The following PLA2G7 variants were observed in gnomAD, a reference collection of about 807,000 sequenced individuals.
The protein encoded by PLA2G7 is phospholipase A2 group VII.
In PLA2G7, 63 loss-of-function variants were observed where a neutral mutation model predicts 49.6. The observed-to-expected ratio is 1.27, with a 90% CI of 1.04 to 1.57. The LOEUF (loss-of-function observed/expected upper bound fraction) is 1.57. Ranked by LOEUF, PLA2G7 falls within the 40% of genes most tolerant of loss-of-function variation. The probability of loss-of-function intolerance (pLI) is 0.00; values close to 1 mark genes in which losing one functional copy is unlikely to be tolerated. For synonymous variants in PLA2G7, 193 were observed against 169.9 expected (o/e 1.14, Z -1.06); for missense variants, 596 against 521.2 (o/e 1.14, Z -1.40).
rs1764719670 is a variant in PLA2G7, at chr6:46,704,468, T to TCA, written c.*91_*92insTG. On this transcript the variant is annotated 3_prime_UTR_variant, in exon 12 of 12. Transcript: ENST00000274793. ...CTCTCTCTCTCTCTCTCTCTCTCTC[T>TCA]CTCTCTCTCTCACACACACACACAC... The TCA allele has an allele frequency of 1.2e-5, 5 of 423,202 alleles. No homozygotes were observed. In the African/African-American group the frequency reaches 2.1e-4, roughly 18 times the overall value. 26.2% of individuals were successfully genotyped at this position (423,202 alleles called of 1,614,324 possible).
intron 2 of PLA2G7, among the ~76,000 whole-genome samples, chr6:46,719,960 T>C (rs570494933): frequency 1.2e-4 from 19 of 152,232 alleles, no homozygotes; most frequent in Non-Finnish European, 2.4e-4. Flanking sequence ...TCAGGGTCTA[T>C]TTTGAATTAC....
At chr6:46,711,016 A>C (rs553801702) in intron 7 of PLA2G7, among the ~76,000 whole-genome samples, 51 of 152,302 alleles carry the variant, frequency 3.3e-4, no homozygotes, top group African/African-American at 1.0e-3. Flanking sequence ...TGCTTCACTT[A>C]ACTTAACTGC....
chr6:46,730,940 G>C (rs974538106), intron 1 of PLA2G7, among the ~76,000 whole-genome samples: 2 of 152,144 alleles, frequency 1.3e-5, no homozygotes, highest in African/African-American at 2.4e-5. Context: ...CACCAGACTA[G>C]CCACTTCAAG....
At position 46,704,541 on chromosome 6, in the gene PLA2G7, T is replaced by A; in HGVS notation, c.*19A>T. ...TTAGACAGTTTTGAAACAAGACTTTTAAAAAACCTATTTTAATCCTAATTG... is the reference window on the plus strand; with the variant it reads ...TTAGACAGTTTTGAAACAAGACTTTAAAAAAACCTATTTTAATCCTAATTG... On this transcript the variant is annotated 3_prime_UTR_variant, in exon 12 of 12. Coordinates refer to ENST00000274793, the MANE Select transcript of PLA2G7 (RefSeq NM_005084.4). The A allele has an allele frequency of 3.3e-5, 49 of 1,476,204 alleles. No individual in the cohort carries two copies. The highest frequency in any genetic ancestry group is 4.5e-5 in the Non-Finnish European group (48 of 1,058,704). The allele number at this position is 1,476,204 out of a possible 1,614,324, so 91.4% of individuals were successfully genotyped here.
chr6:46,717,709 CTT>C (rs760308042), intron 2 of PLA2G7, among the ~76,000 whole-genome samples: 3 of 116,202 alleles, frequency 2.6e-5, no homozygotes, highest in Admixed American at 1.0e-4. Context: ...TTTCTTTTTT[CTT>C]TTTCTTTTTT....
chr6:46,711,164 A>G (rs1388821445), intron 7 of PLA2G7, among the ~76,000 whole-genome samples: 1 of 152,182 alleles, frequency 6.6e-6, no homozygotes, highest in Non-Finnish European at 1.5e-5. Context: ...GCCTCTCTGA[A>G]AAGTAGTCTT....
chr6:46,716,361 A>G (rs1213203309), intron 4 of PLA2G7, 23 bp downstream of exon 4: 1 of 1,613,476 alleles, frequency 6.2e-7, no homozygotes, highest in South Asian at 1.1e-5. Flanking sequence ...GAGCCTACAA[A>G]GAAGGATCAA....
chr6:46,714,884 C>G (rs1041211215), intron 4 of PLA2G7, among the ~76,000 whole-genome samples: 2 of 151,490 alleles, frequency 1.3e-5, no homozygotes, highest in Non-Finnish European at 2.9e-5. Flanking sequence ...TACAAGCATG[C>G]GCCACCACGC....
chr6:46,705,388 G>A, intron 10 of PLA2G7, 87 bp from the exon 11 acceptor site: 1 of 1,078,402 alleles, frequency 9.3e-7, no homozygotes, highest in Non-Finnish European at 1.4e-6. Context: ...TACTGGTCTT[G>A]TTGGTCTGTT....
chr6:46,710,762 T>C (rs1764989585), intron 7 of PLA2G7, 104 bp from the exon 8 acceptor site: 3 of 838,678 alleles, frequency 3.6e-6, no homozygotes, highest in South Asian at 1.4e-5. Flanking sequence ...TGGTCAGTTA[T>C]AAACTGGAAA....
At chr6:46,734,445 A>T (rs1023253377) in intron 1 of PLA2G7, among the ~76,000 whole-genome samples, 3,705 of 67,494 alleles carry the variant, frequency 0.055, 643 homozygotes, top group African/African-American at 0.25. Flanking sequence ...AGAGAGAGAG[A>T]GAGAGAGAGA....
At position 46,722,879 on chromosome 6, in the gene PLA2G7, TG is replaced by T; in HGVS notation, c.12del (p.Lys5AsnfsTer23). 1 of 1,612,012 alleles carries T rather than the reference TG, an allele frequency of 6.2e-7. No homozygotes were observed. Among genetic ancestry groups the T allele is most frequent in the Non-Finnish European group, 8.5e-7 (1 of 1,178,230 alleles). On this transcript the variant is annotated frameshift_variant, in exon 2 of 12. Transcript: ENST00000274793. LOFTEE classifies it high-confidence loss of function. ...CAGAGGCAGAAAAGCACATGCAATT[TG>T]GGTGGCACCATCTTGGGAGCTGAGC... The part of the protein sequence containing the change: MVP[P>X]KLHVLFCLCG...
chr6:46,713,760 A>T (rs964269783), intron 5 of PLA2G7, among the ~76,000 whole-genome samples: 3 of 152,158 alleles, frequency 2.0e-5, no homozygotes, highest in Admixed American at 6.5e-5. Context: ...CATGCTACAG[A>T]CTGCATAGCT....
In PLA2G7 at chr6:46,708,003, A is replaced by G; in HGVS notation, c.1028T>C (p.Met343Thr). ...CACTAATACTTACCTGATTGTAATC[A>G]TCTTTCTTTCTTTATCAGGTGAGTA... is the stretch of plus-strand genomic sequence containing the variant. ...KCYSPDKERK[M>T]ITIRGSVHQN... The change falls in exon 10 of 12, where the codon ATG becomes ACG. Residue 343 changes from methionine to threonine, a missense_variant. Met to Thr is a moderately conservative substitution (Grantham distance 81). Transcript: ENST00000274793. The G allele has an allele frequency of 3.2e-6, 5 of 1,565,572 alleles. No individual in the cohort carries two copies. The highest frequency in any genetic ancestry group is 4.4e-6 in the Non-Finnish European group (5 of 1,136,810).
chr6:46,712,120 A>G, intron 6 of PLA2G7, 149 bp downstream of exon 6: 1 of 640,890 alleles, frequency 1.6e-6, no homozygotes. Flanking sequence ...AAGTCGATAA[A>G]CTCAATCTCC....
At chr6:46,721,961 C>T (rs1765415438) in intron 2 of PLA2G7, among the ~76,000 whole-genome samples, 2 of 152,028 alleles carry the variant, frequency 1.3e-5, no homozygotes, top group South Asian at 4.1e-4. Flanking sequence ...CAGTATGACA[C>T]CATTCAGAAG....
Position 46,708,092 on chromosome 6 carries a change from G to T in PLA2G7, c.939C>A (p.Pro313=). ...AATATTCAGAGTTGATAAAAAAGAG[G>T]GGCTGAGGAATTCTGGAATATACTT... is the stretch of plus-strand genomic sequence containing the variant. The part of the protein sequence containing the change: ...GDEVYSRIPQ[P]LFFINSEYFQ... The change falls in exon 10 of 12, where the codon CCC becomes CCA. Residue 313 remains proline (P), a synonymous_variant. Transcript: ENST00000274793. The T allele has an allele frequency of 2.5e-6, 4 of 1,608,850 alleles. No individual in the cohort carries two copies. Among genetic ancestry groups the T allele is most frequent in the Non-Finnish European group, 2.6e-6 (3 of 1,175,460 alleles).
chr6:46,716,674 T>C, intron 3 of PLA2G7, 146 bp from the exon 4 acceptor site: 1 of 756,012 alleles, frequency 1.3e-6, no homozygotes, highest in Non-Finnish European at 2.1e-6. Flanking sequence ...GCTGTGGTGA[T>C]TGAAGATAGT....
chr6:46,720,417 G>C (rs1016600096), intron 2 of PLA2G7, among the ~76,000 whole-genome samples: 1 of 152,228 alleles, frequency 6.6e-6, no homozygotes, highest in Non-Finnish European at 1.5e-5. Flanking sequence ...GTCAAGGTGA[G>C]GTCTGCCTGT....
Sources: gnomAD v4.1 joint callset for allele counts (sites outside exome capture counted in the v4.1 genomes callset) on GRCh38, gnomAD v4.1.1 for gene constraint, MANE v1.5 for transcripts, NCBI Gene and HGNC (gene_info 2026-07-23, HGNC 2026-07-21) for gene names.